WDPCP: variants seen among roughly 807,000 people sequenced by gnomAD.
WDPCP encodes the protein WD repeat-containing and planar cell polarity effector protein fritz homolog.
In WDPCP, 71 loss-of-function variants were observed where a neutral mutation model predicts 93.1. That is an observed-to-expected ratio of 0.76 (90% CI 0.63 to 0.93). The LOEUF (loss-of-function observed/expected upper bound fraction) is 0.93. Ranked by LOEUF, WDPCP falls within the 40% of genes least tolerant of loss-of-function variation. The pLI is 0.00. For missense variants in WDPCP, 844 were observed against 887.4 expected, an observed-to-expected ratio of 0.95 and a Z score of 0.62; for synonymous variants, 315 against 315.0, an observed-to-expected ratio of 1.00 and a Z score of 0.00.
intron 1 of WDPCP, among the ~76,000 whole-genome samples, chr2:63,547,566 C>T (rs1242131754): frequency 6.8e-6 from 1 of 147,050 alleles, no homozygotes; most frequent in Non-Finnish European, 1.5e-5. Context: ...TACACACACA[C>T]ACACACACAC....
chr2:63,553,150 T>C (rs1389902435), intron 1 of WDPCP, among the ~76,000 whole-genome samples: 1 of 152,198 alleles, frequency 6.6e-6, no homozygotes, highest in Non-Finnish European at 1.5e-5. Context: ...GAGGAAGAAC[T>C]GATATAAAAA....
chr2:63,517,208 T>C (rs1325942069), intron 1 of WDPCP, among the ~76,000 whole-genome samples: 1 of 152,078 alleles, frequency 6.6e-6, no homozygotes, highest in Non-Finnish European at 1.5e-5. Flanking sequence ...CTATAATCCA[T>C]TTCCTATAAA....
chr2:63,680,986 A>G (rs945770674), intron 2 of WDPCP, among the ~76,000 whole-genome samples: 3 of 152,154 alleles, frequency 2.0e-5, no homozygotes, highest in African/African-American at 7.2e-5. Context: ...TAGTCCTGGC[A>G]GGATTCATCA....
chr2:63,679,378 G>C (rs1710462512), intron 2 of WDPCP, among the ~76,000 whole-genome samples: 1 of 152,140 alleles, frequency 6.6e-6, no homozygotes, highest in African/African-American at 2.4e-5. Context: ...ATGACACACG[G>C]AGCTGTCAGT....
intron 14 of WDPCP, among the ~76,000 whole-genome samples, chr2:63,244,503 A>T (rs1186294905): frequency 1.3e-5 from 2 of 152,186 alleles, no homozygotes; most frequent in Non-Finnish European, 2.9e-5. Context: ...GAGAGATCCA[A>T]ATAAGCACAA....
intron 1 of WDPCP, among the ~76,000 whole-genome samples, chr2:63,550,783 A>G (rs1420164771): frequency 2.0e-5 from 1 of 50,884 alleles, no homozygotes; most frequent in Non-Finnish European, 3.1e-5. Flanking sequence ...GCATATGTAC[A>G]TATATATGTA....
intron 1 of WDPCP, among the ~76,000 whole-genome samples, chr2:63,531,723 C>G (rs527666572): frequency 6.6e-6 from 1 of 152,206 alleles, no homozygotes; most frequent in Admixed American, 6.5e-5. Flanking sequence ...TTATCAAAGA[C>G]CAAAGGTAGA....
At chr2:63,481,526 T>A (rs1700266001) in intron 6 of WDPCP, among the ~76,000 whole-genome samples, 1 of 151,914 alleles carries the variant, frequency 6.6e-6, no homozygotes, top group Non-Finnish European at 1.5e-5. Context: ...ATAAAGAAAC[T>A]GTGGTAAATA....
chr2:63,739,249 C>T (rs1209345481), intron 2 of WDPCP, among the ~76,000 whole-genome samples: 1 of 152,044 alleles, frequency 6.6e-6, no homozygotes, highest in Non-Finnish European at 1.5e-5. Flanking sequence ...TATCATTTAC[C>T]TCCCACTTAT....
chr2:63,266,617 CCAAGATGGT>C (rs1682142322), intron 13 of WDPCP, among the ~76,000 whole-genome samples: 1 of 152,134 alleles, frequency 6.6e-6, no homozygotes, highest in African/African-American at 2.4e-5. Context: ...GCCAACCTGG[CCAAGATGGT>C]GAAACCCCAT....
At chr2:63,215,507 T>C (rs991350784) in intron 14 of WDPCP, among the ~76,000 whole-genome samples, 2 of 152,214 alleles carry the variant, frequency 1.3e-5, no homozygotes, top group Non-Finnish European at 2.9e-5. Context: ...GCTAGCCATA[T>C]GTAGAAAGCT....
Position 63,404,225 on chromosome 2 carries a change from G to C in WDPCP, c.1258C>G (p.Arg420Gly). 1 of 1,613,630 alleles carries C rather than the reference G, an allele frequency of 6.2e-7. No homozygotes were observed. The highest frequency in any genetic ancestry group is 1.3e-5 in the African/African-American group (1 of 74,994). The change falls in exon 10 of 18, where the codon CGC becomes GGC. Residue 420 changes from arginine to glycine, a missense_variant. Arg to Gly is a moderately radical substitution (Grantham distance 125). Transcript: ENST00000272321. ...PINIQLLAED[R>G]LPRETLQFSK... ...AATTGCAGAGTCTCCCTGGGTAAGCGGTCTTCAGCCAACAGTTGGATGTTA... is the reference window on the plus strand; with the variant it reads ...AATTGCAGAGTCTCCCTGGGTAAGCCGTCTTCAGCCAACAGTTGGATGTTA...
chr2:63,669,207 C>T (rs1710317812), intron 2 of WDPCP, among the ~76,000 whole-genome samples: 1 of 152,116 alleles, frequency 6.6e-6, no homozygotes, highest in African/African-American at 2.4e-5. Context: ...TTTAGAAATC[C>T]AGAAGGTAAA....
intron 17 of WDPCP, among the ~76,000 whole-genome samples, chr2:63,125,415 A>C (rs2153395943): frequency 6.6e-6 from 1 of 152,338 alleles, no homozygotes; most frequent in South Asian, 2.1e-4. Flanking sequence ...CTATGTGACT[A>C]GAATGTCTAT....
At position 63,413,235 on chromosome 2, in the gene WDPCP, G is replaced by C. The variant is rs560609485; in HGVS notation, c.826-8578C>G. On this transcript the variant is annotated intron_variant, in intron 9 of 17. Transcript: ENST00000272321. The stretch of plus-strand genomic sequence containing the variant: ...TAAACCCAAATACTTACAGCCAACT[G>C]ATCTTCGACAAAGCATACAAAAACA... Among the ~76,000 whole-genome samples, 8 of 152,234 alleles carry C rather than the reference G, an allele frequency of 5.3e-5. No individual in the cohort carries two copies. In the South Asian group the frequency reaches 1.7e-3, roughly 32 times the overall value.
intron 6 of WDPCP, among the ~76,000 whole-genome samples, chr2:63,453,613 T>C (rs1226327294): frequency 1.3e-5 from 2 of 152,170 alleles, no homozygotes; most frequent in Admixed American, 6.5e-5. Context: ...TAAAGGAATA[T>C]AAATCATGCT....
rs780080938 is a variant in WDPCP at position 63,326,535 on chromosome 2, AG to A, written c.1749-13225del. ...AAAGGAAAGAGAGAAAGAGACAGAG[AG>A]GGGTAGGGAGAGACAATGAGGGAGT... On this transcript the variant is annotated intron_variant, in intron 12 of 17. Transcript: ENST00000272321. Among the ~76,000 whole-genome samples, 105 of 148,366 alleles carry A rather than the reference AG, an allele frequency of 7.1e-4. 1 individual carries two copies. The highest frequency in any genetic ancestry group is 6.8e-3 in the Middle Eastern group (2 of 294).
intron 12 of WDPCP, among the ~76,000 whole-genome samples, chr2:63,351,517 A>T (rs937244311): frequency 6.6e-6 from 1 of 152,114 alleles, no homozygotes; most frequent in Non-Finnish European, 1.5e-5. Context: ...TATAAATGAG[A>T]ATATGTGGCA....
chr2:63,147,120 A>G (rs188079284), intron 17 of WDPCP, among the ~76,000 whole-genome samples: 28 of 152,326 alleles, frequency 1.8e-4, no homozygotes, highest in African/African-American at 6.0e-4. Context: ...GTGGCAGGAA[A>G]TAAAACTGGA....
Sources: gnomAD v4.1 joint callset for allele counts (sites outside exome capture counted in the v4.1 genomes callset) on GRCh38, gnomAD v4.1.1 for gene constraint, MANE v1.5 for transcripts, NCBI Gene and HGNC (gene_info 2026-07-23, HGNC 2026-07-21) for gene names.